Variants in FBN2 observed in about 807,000 individuals in gnomAD.
FBN2 encodes fibrillin 2, also known as fibrillin-2.
Under a neutral mutation model 355.6 loss-of-function variants are expected in FBN2, and 105 were observed. That is an observed-to-expected ratio of 0.30 (90% CI 0.25 to 0.35). FBN2 has a LOEUF of 0.35. FBN2 is among the 10% of genes least tolerant of loss of function. The probability of loss-of-function intolerance (pLI) is 1.00; values close to 1 mark genes in which losing one functional copy is unlikely to be tolerated. For synonymous variants in FBN2, 1,350 were observed against 1,301.2 expected (o/e 1.04, Z -0.81); for missense variants, 3,280 against 3,758.7 (o/e 0.87, Z 3.33).
At chr5:128,387,223 T>G (rs1376424996) in intron 11 of FBN2, among the ~76,000 whole-genome samples, 2 of 152,122 alleles carry the variant, frequency 1.3e-5, no homozygotes, top group Admixed American at 6.5e-5. Context: ...CTAGTTTGTG[T>G]GCACAGAGGT....
At chr5:128,468,703 T>G (rs927753229) in intron 5 of FBN2, among the ~76,000 whole-genome samples, 8 of 152,234 alleles carry the variant, frequency 5.3e-5, no homozygotes, top group Non-Finnish European at 1.0e-4. Context: ...GGAATTTTGC[T>G]GTAATTTCAC....
In FBN2 at chr5:128,311,437, G is replaced by A. The variant is rs565764651; in HGVS notation, c.4949-12C>T. ...GCATTCGTCAATGTCTACAAAAAGG[G>A]AGACAGTGCACTTAAAACAAACACC... On this transcript the variant is annotated splice_polypyrimidine_tract_variant and intron_variant, in intron 38 of 64. Transcript: ENST00000262464. 10 of 1,613,662 alleles carry A rather than the reference G, an allele frequency of 6.2e-6. No homozygotes were observed. In the African/African-American group the frequency reaches 9.3e-5, roughly 15 times the overall value.
Position 128,421,985 on chromosome 5 carries a change from G to A in FBN2, c.953-13186C>T, listed in dbSNP as rs982161550. On this transcript the variant is annotated intron_variant, in intron 7 of 64. Transcript: ENST00000262464. ...TATCAGTAGAACAAGGAAATAGAGT[G>A]TCAGATTGAGAGACAGATTTGAAGA... Among the ~76,000 whole-genome samples, 22 of 152,304 alleles carry A rather than the reference G, an allele frequency of 1.4e-4. 1 individual carries two copies. Among genetic ancestry groups the A allele is most frequent in the Admixed American group, 1.4e-3 (22 of 15,282 alleles).
At position 128,364,626 on chromosome 5, in the gene FBN2, G is replaced by A. The variant is rs760283682; in HGVS notation, c.2402C>T (p.Pro801Leu). 1 of 1,613,572 alleles carries A rather than the reference G, an allele frequency of 6.2e-7. No homozygotes were observed. The highest frequency in any genetic ancestry group is 1.1e-5 in the South Asian group (1 of 91,052). Residue 801 changes from proline to leucine, a missense_variant, in exon 18 of 65, where the codon CCA (proline) becomes CTA (leucine). By Grantham distance (98) the Pro-to-Leu change is moderately conservative (BLOSUM62 -3). Coordinates refer to ENST00000262464, the MANE Select transcript of FBN2 (RefSeq NM_001999.4). Reference protein sequence around the residue: ...YRCNCNSGYEPDASGRNCIDI... With the variant: ...YRCNCNSGYELDASGRNCIDI... ...AATACAGTTTCTTCCAGAGGCATCT[G>A]GTTCATAGCCACTGTTGCAATTACA...
intron 7 of FBN2, among the ~76,000 whole-genome samples, chr5:128,416,391 C>G (rs977705596): frequency 6.6e-6 from 1 of 152,170 alleles, no homozygotes; most frequent in Non-Finnish European, 1.5e-5. Flanking sequence ...TTATTTCCTT[C>G]GCTGTTCAGA....
intron 5 of FBN2, among the ~76,000 whole-genome samples, chr5:128,476,494 A>G (rs1287108970): frequency 1.3e-5 from 2 of 152,124 alleles, no homozygotes; most frequent in African/African-American, 4.8e-5. Flanking sequence ...ATCAGAATGG[A>G]ATTCCAAAAG....
chr5:128,489,545 T>C (rs916360672), intron 5 of FBN2, among the ~76,000 whole-genome samples: 8 of 152,196 alleles, frequency 5.3e-5, no homozygotes, highest in African/African-American at 1.9e-4. Flanking sequence ...TGTTTGTAAG[T>C]ATGTCACGAA....
At chr5:128,293,428 G>A (rs1055955709) in intron 48 of FBN2, among the ~76,000 whole-genome samples, 1 of 151,994 alleles carries the variant, frequency 6.6e-6, no homozygotes. Context: ...GGAGGTGGGG[G>A]TTGCAGTGAG....
intron 8 of FBN2, among the ~76,000 whole-genome samples, chr5:128,398,814 G>T (rs1448754806): frequency 1.3e-5 from 2 of 152,164 alleles, no homozygotes; most frequent in African/African-American, 4.8e-5. Flanking sequence ...TTCCTGTGCT[G>T]TTCTTGTGAT....
At chr5:128,532,000 G>T (rs1040080031) in intron 2 of FBN2, among the ~76,000 whole-genome samples, 5 of 152,094 alleles carry the variant, frequency 3.3e-5, no homozygotes, top group Admixed American at 2.6e-4. Flanking sequence ...TAAGTAGTTG[G>T]GAGGGTTGCA....
chr5:128,403,399 A>C (rs191917216), intron 8 of FBN2, among the ~76,000 whole-genome samples: 1 of 152,318 alleles, frequency 6.6e-6, no homozygotes, highest in Non-Finnish European at 1.5e-5. Flanking sequence ...TAAATGCTTA[A>C]TCCCATTTTC....
chr5:128,507,638 G>T (rs1005177751), intron 5 of FBN2, among the ~76,000 whole-genome samples: 3 of 151,934 alleles, frequency 2.0e-5, no homozygotes, highest in Non-Finnish European at 2.9e-5. Context: ...TGTCTTTCAA[G>T]AAATTATTTA....
In FBN2 at chr5:128,334,974, G is replaced by A. The variant is rs1034145107; in HGVS notation, c.3974-130C>T. ...AAATATAATCCATCCGCAAATCATCGTGTTATAGATAAATATACAACCTGC... is the reference window on the plus strand; with the variant it reads ...AAATATAATCCATCCGCAAATCATCATGTTATAGATAAATATACAACCTGC... On this transcript the variant is annotated intron_variant, in intron 30 of 64. Transcript: ENST00000262464. The A allele has an allele frequency of 4.6e-5, 52 of 1,141,006 alleles. 1 individual carries two copies. The highest frequency in any genetic ancestry group is 3.9e-5 in the South Asian group (3 of 76,756). The allele number at this position is 1,141,006 out of a possible 1,614,324, so 70.7% of individuals were successfully genotyped here. A position where few individuals can be genotyped will look rare whatever the true frequency, so the allele number is the denominator to read the frequency against.
At chr5:128,432,616 T>C (rs1753654427) in intron 7 of FBN2, among the ~76,000 whole-genome samples, 1 of 152,154 alleles carries the variant, frequency 6.6e-6, no homozygotes, top group Admixed American at 6.5e-5. Context: ...AAGAACTGCA[T>C]TTAGTGTTCG....
chr5:128,495,195 G>C (rs187087172), intron 5 of FBN2, among the ~76,000 whole-genome samples: 4 of 122,908 alleles, frequency 3.3e-5, no homozygotes, highest in African/African-American at 1.8e-4. Context: ...ATTGGAACTC[G>C]CAAAAGAAAG....
chr5:128,506,259 G>T (rs1045494781), intron 5 of FBN2, among the ~76,000 whole-genome samples: 5 of 152,056 alleles, frequency 3.3e-5, no homozygotes, highest in African/African-American at 1.2e-4. Flanking sequence ...CAACAATTTT[G>T]GGAGAAGAGA....
At chr5:128,424,697 G>T (rs1753441285) in intron 7 of FBN2, among the ~76,000 whole-genome samples, 1 of 152,070 alleles carries the variant, frequency 6.6e-6, no homozygotes, top group Non-Finnish European at 1.5e-5. Flanking sequence ...CTGAATAATT[G>T]CATTTTTGAA....
chr5:128,274,012 A>T, intron 60 of FBN2, 44 bp from the exon 61 acceptor site: 1 of 1,610,582 alleles, frequency 6.2e-7, no homozygotes, highest in Non-Finnish European at 8.5e-7. Flanking sequence ...TTCCAATCAT[A>T]ACATGTCTTA....
At position 128,307,172 on chromosome 5, in the gene FBN2, A is replaced by C. The variant is rs1054361028; in HGVS notation, c.5385T>G (p.Pro1795=). ...ADFKTICGNI[P]GFTFDIHTGK... The stretch of plus-strand genomic sequence containing the variant: ...CTGTGTGAATGTCAAAGGTGAATCC[A>C]GGAATATTTCCACATATGGTTTTAA... The change falls in exon 42 of 65, where the codon CCT becomes CCG. Residue 1795 remains proline (P), a synonymous_variant. Transcript: ENST00000262464. The C allele has an allele frequency of 6.2e-7, 1 of 1,611,156 alleles. No individual in the cohort carries two copies. Among genetic ancestry groups the C allele is most frequent in the African/African-American group, 1.3e-5 (1 of 74,896 alleles).
Sources: gnomAD v4.1 joint callset for allele counts (sites outside exome capture counted in the v4.1 genomes callset) on GRCh38, gnomAD v4.1.1 for gene constraint, MANE v1.5 for transcripts, NCBI Gene and HGNC (gene_info 2026-07-23, HGNC 2026-07-21) for gene names.